The following GALNT13 variants were observed in gnomAD, a reference collection of about 807,000 sequenced individuals.
GALNT13 encodes UDP-GalNAc:polypeptide N-acetylgalactosaminyltransferase 13.
Under a neutral mutation model 64.2 loss-of-function variants are expected in GALNT13, and 28 were observed. The observed-to-expected ratio is 0.44, with a 90% CI of 0.32 to 0.60. GALNT13 has a LOEUF of 0.60. Ranked by LOEUF, GALNT13 falls within the 20% of genes least tolerant of loss-of-function variation. GALNT13 has a pLI of 0.05. For missense variants in GALNT13, 577 were observed against 669.8 expected, an observed-to-expected ratio of 0.86 and a Z score of 1.53; for synonymous variants, 214 against 224.6, an observed-to-expected ratio of 0.95 and a Z score of 0.42.
chr2:153,396,094 A>G, the GALNT13 span, among the ~76,000 whole-genome samples: 1 of 152,122 alleles, frequency 6.6e-6, no homozygotes, highest in East Asian at 1.9e-4. Context: ...AGCAGGCTAA[A>G]TTTGGACCAC....
rs1685994402 is a variant in GALNT13 at position 153,872,176 on chromosome 2, G to C, written c.-304G>C. 5 of 151,010 alleles carry C rather than the reference G, an allele frequency of 3.3e-5. No homozygotes were observed. The South Asian group carries it at 1.0e-3, about 31-fold the overall frequency. The allele number at this position is 151,010 out of a possible 1,614,324, so 9.4% of individuals were successfully genotyped here. On this transcript the variant is annotated 5_prime_UTR_variant, in exon 1 of 13. Coordinates refer to ENST00000392825, the MANE Select transcript of GALNT13 (RefSeq NM_052917.4). Reference sequence around the variant, plus strand: ...CGCTCGCGGGCCGGCGCGGGTTCCAGGTGAGCGCGGACTCGGCGAGCCCCG... The same window carrying C: ...CGCTCGCGGGCCGGCGCGGGTTCCACGTGAGCGCGGACTCGGCGAGCCCCG...
the GALNT13 span, among the ~76,000 whole-genome samples, chr2:153,404,689 A>G: frequency 6.6e-6 from 1 of 152,186 alleles, no homozygotes; most frequent in Admixed American, 6.5e-5. Flanking sequence ...CAGGATCAAT[A>G]TCTTCAACTC....
the GALNT13 span, among the ~76,000 whole-genome samples, chr2:153,219,007 C>T: frequency 1.3e-5 from 2 of 152,092 alleles, no homozygotes; most frequent in African/African-American, 4.8e-5. Flanking sequence ...AAGTAAAAAC[C>T]ATAAGTATGT....
At chr2:154,353,549 T>C (rs1696535829) in intron 9 of GALNT13, among the ~76,000 whole-genome samples, 1 of 152,190 alleles carries the variant, frequency 6.6e-6, no homozygotes, top group Admixed American at 6.5e-5. Flanking sequence ...TGCTACTTTG[T>C]ATTCGTTGGT....
intron 3 of GALNT13, among the ~76,000 whole-genome samples, chr2:153,960,445 G>T (rs145262536): frequency 5.8e-4 from 88 of 152,334 alleles, no homozygotes; most frequent in African/African-American, 2.0e-3. Context: ...CAGCTCTGGT[G>T]GTGTTGCAGC....
At chr2:153,376,561 G>T in the GALNT13 span, among the ~76,000 whole-genome samples, 2 of 152,130 alleles carry the variant, frequency 1.3e-5, no homozygotes, top group East Asian at 3.9e-4. Context: ...GAATGCATGG[G>T]TTGAACACAT....
chr2:153,576,852 C>T, the GALNT13 span, among the ~76,000 whole-genome samples: 1 of 151,932 alleles, frequency 6.6e-6, no homozygotes. Flanking sequence ...TCTCGATGGT[C>T]TCTTTTGATA....
chr2:153,862,140 C>T, the GALNT13 span, among the ~76,000 whole-genome samples: 1 of 152,116 alleles, frequency 6.6e-6, no homozygotes, highest in African/African-American at 2.4e-5. Context: ...CAATTACACA[C>T]TTAGAAAGAT....
At chr2:154,244,996 G>A (rs796584406) in intron 6 of GALNT13, among the ~76,000 whole-genome samples, 10 of 151,696 alleles carry the variant, frequency 6.6e-5, no homozygotes, top group African/African-American at 1.9e-4. Context: ...TGGCAGGCAC[G>A]TTGGGAGGCT....
At chr2:153,779,131 G>T in the GALNT13 span, among the ~76,000 whole-genome samples, 5 of 151,840 alleles carry the variant, frequency 3.3e-5, no homozygotes. Flanking sequence ...CTGAATAAAT[G>T]AACTAACTTC....
At chr2:154,108,073 G>A (rs368199594) in intron 3 of GALNT13, among the ~76,000 whole-genome samples, 1 of 151,964 alleles carries the variant, frequency 6.6e-6, no homozygotes, top group Non-Finnish European at 1.5e-5. Flanking sequence ...TGGGGGTGCC[G>A]ACATTCCTTT....
At chr2:153,663,061 T>A in the GALNT13 span, among the ~76,000 whole-genome samples, 2 of 151,776 alleles carry the variant, frequency 1.3e-5, no homozygotes, top group Non-Finnish European at 2.9e-5. Context: ...GAAAAGAAAA[T>A]AACAAGGATG....
chr2:153,941,403 A>G (rs558827831), intron 2 of GALNT13, among the ~76,000 whole-genome samples: 2 of 152,348 alleles, frequency 1.3e-5, no homozygotes, highest in South Asian at 4.1e-4. Flanking sequence ...TTTTGAAACA[A>G]TTAGGAAAAG....
chr2:153,547,947 A>G, the GALNT13 span, among the ~76,000 whole-genome samples: 1 of 152,216 alleles, frequency 6.6e-6, no homozygotes. Flanking sequence ...ATGGAAAGAG[A>G]TAATGCTTGG....
the GALNT13 span, among the ~76,000 whole-genome samples, chr2:153,798,523 T>A: frequency 7.7e-4 from 117 of 152,274 alleles, no homozygotes; most frequent in Admixed American, 9.8e-4. Context: ...AATTGCAAAT[T>A]TAATTACAAA....
the GALNT13 span, among the ~76,000 whole-genome samples, chr2:153,480,826 G>A: frequency 2.0e-5 from 3 of 152,194 alleles, no homozygotes; most frequent in African/African-American, 7.2e-5. Context: ...TTAGGTGTAA[G>A]CAAATGGAGA....
intron 9 of GALNT13, among the ~76,000 whole-genome samples, chr2:154,310,245 A>G (rs762063781): frequency 6.0e-4 from 92 of 152,172 alleles, no homozygotes; most frequent in Non-Finnish European, 2.4e-4. Flanking sequence ...TGATGTGAAT[A>G]AAAGGACTAT....
intron 1 of GALNT13, among the ~76,000 whole-genome samples, chr2:153,898,328 C>T (rs1688014642): frequency 6.6e-6 from 1 of 152,076 alleles, no homozygotes; most frequent in Non-Finnish European, 1.5e-5. Context: ...TACCTGAGTT[C>T]CTCAGAATGC....
chr2:153,217,726 C>T, the GALNT13 span, among the ~76,000 whole-genome samples: 3 of 151,844 alleles, frequency 2.0e-5, no homozygotes, highest in African/African-American at 7.3e-5. Flanking sequence ...TACATGTTTC[C>T]CCCTGTTTCT....
Sources: allele counts gnomAD v4.1 joint callset (sites outside exome capture counted in the v4.1 genomes callset), GRCh38; gene constraint gnomAD v4.1.1; transcripts MANE v1.5; gene names NCBI Gene and HGNC (gene_info 2026-07-23, HGNC 2026-07-21).